HCRTR2: variants seen among roughly 807,000 people sequenced by gnomAD.
HCRTR2 encodes hypocretin receptor 2.
A neutral mutation model predicts 49.0 loss-of-function variants in HCRTR2; 22 were observed. That is an observed-to-expected ratio of 0.45 (90% CI 0.32 to 0.64). The LOEUF (loss-of-function observed/expected upper bound fraction) is 0.64. Among genes scored for constraint, HCRTR2 ranks in the 30% least tolerant of loss-of-function variants. HCRTR2 has a pLI of 0.04. For missense variants in HCRTR2, 491 were observed against 559.4 expected (o/e 0.88, Z 1.23); for synonymous variants, 236 against 205.3 (o/e 1.15, Z -1.28).
chr6:55,138,085 T>C (rs1764455999), intron 1 of HCRTR2, among the ~76,000 whole-genome samples: 1 of 152,146 alleles, frequency 6.6e-6, no homozygotes. Context: ...GGAGCAATGA[T>C]CACTTTTAGA....
chr6:55,256,156 A>C (rs9396077), intron 3 of HCRTR2, among the ~76,000 whole-genome samples: 26,289 of 152,026 alleles, frequency 0.17, 2,766 homozygotes, highest in Non-Finnish European at 0.24. Flanking sequence ...AAAATAAAAT[A>C]ACCCTGCATT....
At chr6:55,195,537 A>G (rs949093480) in intron 1 of HCRTR2, among the ~76,000 whole-genome samples, 1 of 152,208 alleles carries the variant, frequency 6.6e-6, no homozygotes, top group African/African-American at 2.4e-5. Flanking sequence ...GGCTATAGTT[A>G]ACAATAATTC....
chr6:55,108,519 G>T (rs1764005648), intron 1 of HCRTR2, among the ~76,000 whole-genome samples: 1 of 151,708 alleles, frequency 6.6e-6, no homozygotes, highest in South Asian at 2.1e-4. Context: ...ATTTTTCTAG[G>T]TAAGGTTAAA....
In HCRTR2 at chr6:55,220,148, CT is replaced by C. The variant is rs747154034; in HGVS notation, c.224-28487del. On this transcript the variant is annotated intron_variant, in intron 1 of 6. Coordinates refer to ENST00000370862, the MANE Select transcript of HCRTR2 (RefSeq NM_001384272.1). ...AAAAAAAATGCCAATTCTTCTCAAA[CT>C]TTTGCAAAAAATTGAAGAGGACGAA... Among the ~76,000 whole-genome samples the C allele has an allele frequency of 3.9e-5, 6 of 152,114 alleles. No homozygotes were observed. The East Asian group carries it at 9.6e-4, about 24-fold the overall frequency.
intron 1 of HCRTR2, among the ~76,000 whole-genome samples, chr6:55,228,404 T>C (rs2127298936): frequency 6.6e-6 from 1 of 152,354 alleles, no homozygotes; most frequent in Non-Finnish European, 1.5e-5. Flanking sequence ...AATTCAGTTT[T>C]TGATGCTGCT....
chr6:55,159,497 A>T (rs531955996), intron 1 of HCRTR2, among the ~76,000 whole-genome samples: 1 of 152,314 alleles, frequency 6.6e-6, no homozygotes, highest in South Asian at 2.1e-4. Flanking sequence ...AGTTTGATGA[A>T]TTGACAGAAG....
chr6:55,164,975 T>A (rs1180555761), intron 1 of HCRTR2, among the ~76,000 whole-genome samples: 2 of 152,232 alleles, frequency 1.3e-5, no homozygotes, highest in African/African-American at 2.4e-5. Flanking sequence ...GAAGATGAAA[T>A]AATTTTTTTA....
At chr6:55,114,951 T>C (rs919347193) in intron 1 of HCRTR2, among the ~76,000 whole-genome samples, 10 of 151,836 alleles carry the variant, frequency 6.6e-5, no homozygotes, top group Admixed American at 5.3e-4. Flanking sequence ...ACCCTTGTTT[T>C]CCAATGACAC....
chr6:55,203,902 G>T (rs1198176018), intron 1 of HCRTR2, among the ~76,000 whole-genome samples: 1 of 151,960 alleles, frequency 6.6e-6, no homozygotes, highest in Non-Finnish European at 1.5e-5. Flanking sequence ...AAATGAGATG[G>T]AGATCCATTA....
intron 1 of HCRTR2, among the ~76,000 whole-genome samples, chr6:55,156,016 A>G (rs991969741): frequency 6.6e-6 from 1 of 152,010 alleles, no homozygotes; most frequent in African/African-American, 2.4e-5. Context: ...ATGAGGGGAA[A>G]AACCCCAGCA....
At chr6:55,215,494 G>T (rs764413237) in intron 1 of HCRTR2, among the ~76,000 whole-genome samples, 1 of 152,004 alleles carries the variant, frequency 6.6e-6, no homozygotes, top group Non-Finnish European at 1.5e-5. Context: ...AAAGTATAAA[G>T]CTCATTGGTC....
chr6:55,253,698 T>TA (rs1220178307), intron 2 of HCRTR2, among the ~76,000 whole-genome samples: 9 of 152,152 alleles, frequency 5.9e-5, no homozygotes, highest in Non-Finnish European at 1.3e-4. Context: ...TATGCAACCA[T>TA]AAAAAAGAAT....
chr6:55,162,140 C>T (rs778388367), intron 1 of HCRTR2, among the ~76,000 whole-genome samples: 12 of 152,092 alleles, frequency 7.9e-5, no homozygotes, highest in East Asian at 1.9e-4. Context: ...TTATCCACCA[C>T]GATCAAGTTG....
chr6:55,107,719 A>G (rs887650611), intron 1 of HCRTR2, among the ~76,000 whole-genome samples: 1 of 152,252 alleles, frequency 6.6e-6, no homozygotes, highest in East Asian at 1.9e-4. Context: ...ATTTCAAACA[A>G]TAAGAATAAT....
intron 1 of HCRTR2, among the ~76,000 whole-genome samples, chr6:55,115,671 A>G (rs933860404): frequency 1.3e-5 from 2 of 151,660 alleles, no homozygotes; most frequent in Admixed American, 6.6e-5. Context: ...CATAATCTTT[A>G]TTAAGTCAAA....
chr6:55,280,025 TAAAG>T (rs1321030512), intron 5 of HCRTR2, among the ~76,000 whole-genome samples: 1 of 152,140 alleles, frequency 6.6e-6, no homozygotes, highest in East Asian at 1.9e-4. Flanking sequence ...GAAAATGAAA[TAAAG>T]AAGATATATA....
At chr6:55,149,776 A>G (rs536869284) in intron 1 of HCRTR2, among the ~76,000 whole-genome samples, 10 of 152,194 alleles carry the variant, frequency 6.6e-5, no homozygotes, top group Non-Finnish European at 1.5e-4. Flanking sequence ...ACATCTGTAT[A>G]AAATGTGAAG....
rs543992031 is a variant in HCRTR2 at position 55,198,106 on chromosome 6, C to T, written c.223+23296C>T. On this transcript the variant is annotated intron_variant, in intron 1 of 6. Coordinates refer to ENST00000370862, the MANE Select transcript of HCRTR2 (RefSeq NM_001384272.1). ...ACATAACTCAAAATGTATCTCAAAC[C>T]TTAACCTTCACGAAACTACATGTAG... Among the ~76,000 whole-genome samples, 12 of 152,184 alleles carry T rather than the reference C, an allele frequency of 7.9e-5. No homozygotes were observed. The South Asian group carries it at 2.5e-3, about 32-fold the overall frequency.
chr6:55,268,603 T>A (rs545187441), intron 4 of HCRTR2, among the ~76,000 whole-genome samples: 2 of 152,136 alleles, frequency 1.3e-5, no homozygotes, highest in East Asian at 1.9e-4. Flanking sequence ...TAACAAAATA[T>A]TACTATACAT....
Sources: gnomAD v4.1 joint callset for allele counts (sites outside exome capture counted in the v4.1 genomes callset) on GRCh38, gnomAD v4.1.1 for gene constraint, MANE v1.5 for transcripts, NCBI Gene and HGNC (gene_info 2026-07-23, HGNC 2026-07-21) for gene names.